The following FRAS1 variants were observed in gnomAD, a reference collection of about 807,000 sequenced individuals.
FRAS1 encodes the protein extracellular matrix organizing protein FRAS1.
Under a neutral mutation model 435.2 loss-of-function variants are expected in FRAS1, and 290 were observed. The ratio of observed to expected loss-of-function variants is 0.67; its 90% CI spans 0.61 to 0.73. FRAS1 has a LOEUF of 0.73. FRAS1 is among the 30% of genes least tolerant of loss of function. FRAS1 has a pLI of 0.00. For missense variants in FRAS1, 4,860 were observed against 5,001.5 expected (o/e 0.97, Z 0.85); for synonymous variants, 1,800 against 1,851.0 (o/e 0.97, Z 0.71).
At chr4:78,125,927 G>T (rs766591350) in intron 2 of FRAS1, among the ~76,000 whole-genome samples, 6 of 152,184 alleles carry the variant, frequency 3.9e-5, no homozygotes, top group Admixed American at 3.9e-4. Context: ...GTCAGGCAGG[G>T]ACGTTTAAGT....
intron 2 of FRAS1, among the ~76,000 whole-genome samples, chr4:78,069,644 T>C (rs542648605): frequency 1.3e-5 from 2 of 152,260 alleles, no homozygotes; most frequent in South Asian, 2.1e-4. Flanking sequence ...GACGATAATA[T>C]GGGAAAGACA....
At chr4:78,452,435 T>A in intron 47 of FRAS1, 81 bp downstream of exon 47, 2 of 1,069,408 alleles carry the variant, frequency 1.9e-6, no homozygotes, top group East Asian at 5.1e-5. Context: ...ATGTATCATG[T>A]ATACCTAGAA....
Position 78,475,977 on chromosome 4 carries a change from A to G in FRAS1, c.7851+371A>G, listed in dbSNP as rs1045438031. 2.6e-5 allele frequency among the ~76,000 whole-genome samples: 4 copies of G among 152,318 alleles called. No homozygotes were observed. The East Asian group carries it at 7.7e-4, about 29-fold the overall frequency. ...GAGTGTGTAAGGAGACTGGTTGGGA[A>G]TCCCTTGGGGTAGGCTGGCTGAGAT... is the stretch of plus-strand genomic sequence containing the variant. On this transcript the variant is annotated intron_variant, in intron 54 of 73. Coordinates refer to ENST00000512123, the MANE Select transcript of FRAS1 (RefSeq NM_025074.7).
intron 26 of FRAS1, among the ~76,000 whole-genome samples, chr4:78,376,996 A>AAAT (rs1731791536): frequency 1.3e-5 from 2 of 152,022 alleles, no homozygotes; most frequent in Admixed American, 6.6e-5. Flanking sequence ...TCTGTCTCAA[A>AAAT]AATAATAATA....
At chr4:78,539,146 C>A in intron 72 of FRAS1, 148 bp from the exon 73 acceptor site, 2 of 667,082 alleles carry the variant, frequency 3.0e-6, no homozygotes, top group Non-Finnish European at 2.4e-6. Context: ...CAGCCACTGA[C>A]TTATGGAGAG....
At chr4:78,527,445 G>A (rs1721571605) in intron 70 of FRAS1, among the ~76,000 whole-genome samples, 1 of 152,286 alleles carries the variant, frequency 6.6e-6, no homozygotes, top group East Asian at 1.9e-4. Flanking sequence ...GTGCTCTCAG[G>A]CAGTTTATAG....
chr4:78,166,065 T>C (rs1721321497), intron 2 of FRAS1, among the ~76,000 whole-genome samples: 1 of 152,210 alleles, frequency 6.6e-6, no homozygotes, highest in Admixed American at 6.6e-5. Flanking sequence ...CAGTGCTTTC[T>C]GTTAAACCTG....
At chr4:78,377,718 A>G (rs988632373) in intron 26 of FRAS1, among the ~76,000 whole-genome samples, 6 of 152,188 alleles carry the variant, frequency 3.9e-5, no homozygotes, top group African/African-American at 1.4e-4. Context: ...CAGCCTCTTT[A>G]CTTGCCCTTG....
In FRAS1 at chr4:78,321,475, G is replaced by A. The variant is rs190676020; in HGVS notation, c.2137+2489G>A. On this transcript the variant is annotated intron_variant, in intron 18 of 73. Transcript: ENST00000512123. The stretch of plus-strand genomic sequence containing the variant: ...AGCATACTAATGCTTCAGGGTTAGA[G>A]CATCTTAAATTTAAGAAAACATCCT... Among the ~76,000 whole-genome samples the A allele has an allele frequency of 4.1e-4, 63 of 152,284 alleles. 2 individuals carry two copies. In the South Asian group the frequency reaches 6.6e-3, roughly 16 times the overall value.
rs1007481617 is a variant in FRAS1, at chr4:78,334,363, CTTTTTTTTTTTTTTT to C, written c.2278+963_2278+977del. Among the ~76,000 whole-genome samples the C allele has an allele frequency of 4.3e-5, 4 of 92,274 alleles. No homozygotes were observed. The East Asian group carries it at 1.5e-3, about 35-fold the overall frequency. 60.5% of individuals were successfully genotyped at this position (92,274 alleles called of 152,430 possible). On this transcript the variant is annotated intron_variant, in intron 19 of 73. Coordinates refer to ENST00000512123, the MANE Select transcript of FRAS1 (RefSeq NM_025074.7). Reference sequence around the variant, plus strand: ...AAAACATAAAGTCATAACCAATTTTCTTTTTTTTTTTTTTTTTTTTTTTTTTGAGACGGAGTCTTG... The same window carrying C: ...AAAACATAAAGTCATAACCAATTTTCTTTTTTTTTTTGAGACGGAGTCTTG...
In FRAS1 at chr4:78,260,179, A is replaced by G. The variant is rs1261745544; in HGVS notation, c.603+4804A>G. On this transcript the variant is annotated intron_variant, in intron 6 of 73. Transcript: ENST00000512123. ...TCTTTTGGCTTAGGATTGACTTGGC[A>G]ATGCGGGCTCTTTTTTGGTTCCATA... Among the ~76,000 whole-genome samples the G allele has an allele frequency of 5.5e-3, 839 of 151,794 alleles. 8 individuals are homozygous for G. Among genetic ancestry groups the G allele is most frequent in the African/African-American group, 0.019 (786 of 41,356 alleles).
intron 18 of FRAS1, among the ~76,000 whole-genome samples, chr4:78,324,734 G>A (rs887760373): frequency 2.6e-5 from 1 of 38,384 alleles, no homozygotes; most frequent in Non-Finnish European, 5.7e-5. Context: ...TTTTTTTTCT[G>A]CATGTCACAC....
At chr4:78,314,242 G>A (rs1347618090) in intron 15 of FRAS1, among the ~76,000 whole-genome samples, 2 of 151,698 alleles carry the variant, frequency 1.3e-5, no homozygotes, top group African/African-American at 4.8e-5. Context: ...CCTCTCCCAC[G>A]AGCTCCAGAA....
intron 2 of FRAS1, among the ~76,000 whole-genome samples, chr4:78,204,616 A>C (rs1328728158): frequency 2.0e-5 from 3 of 152,218 alleles, no homozygotes; most frequent in Non-Finnish European, 4.4e-5. Flanking sequence ...CATTATCATG[A>C]AGCTTTATAA....
intron 23 of FRAS1, among the ~76,000 whole-genome samples, chr4:78,371,083 G>GTT (rs1242709942): frequency 8.0e-4 from 102 of 127,422 alleles, no homozygotes; most frequent in African/African-American, 3.1e-3. Context: ...TTTTTTTTCT[G>GTT]TTTTTTTGTT....
At chr4:78,127,167 T>A (rs1423722229) in intron 2 of FRAS1, among the ~76,000 whole-genome samples, 3 of 65,708 alleles carry the variant, frequency 4.6e-5, no homozygotes, top group Admixed American at 1.9e-4. Flanking sequence ...TGGGTGGGGG[T>A]GGGGTGAGCT....
intron 2 of FRAS1, among the ~76,000 whole-genome samples, chr4:78,115,796 AT>A: frequency 6.6e-6 from 1 of 151,592 alleles, no homozygotes; most frequent in Non-Finnish European, 1.5e-5. Context: ...GGATTCATTG[AT>A]TTTTTGAAGT....
At chr4:78,084,172 C>T (rs1242624837) in intron 2 of FRAS1, among the ~76,000 whole-genome samples, 1 of 152,110 alleles carries the variant, frequency 6.6e-6, no homozygotes, top group Non-Finnish European at 1.5e-5. Flanking sequence ...GAGTATGGTA[C>T]ATACAATCAA....
intron 2 of FRAS1, among the ~76,000 whole-genome samples, chr4:78,138,106 C>T (rs763947417): frequency 3.3e-5 from 5 of 152,144 alleles, no homozygotes; most frequent in Non-Finnish European, 7.3e-5. Context: ...GGTTTCAGGC[C>T]GAAGGGTGGG....
Sources: allele counts gnomAD v4.1 joint callset (sites outside exome capture counted in the v4.1 genomes callset), GRCh38; gene constraint gnomAD v4.1.1; transcripts MANE v1.5; gene names NCBI Gene and HGNC (gene_info 2026-07-23, HGNC 2026-07-21).